Variants in GRIN2A observed in about 807,000 individuals in gnomAD.
GRIN2A encodes glutamate ionotropic receptor NMDA type subunit 2A, also known as glutamate receptor ionotropic, NMDA 2A.
GRIN2A carries 22 observed loss-of-function variants against 113.4 expected under a neutral mutation model. The ratio of observed to expected loss-of-function variants is 0.19; its 90% CI spans 0.14 to 0.28. The LOEUF (loss-of-function observed/expected upper bound fraction) is 0.28, where lower values mean the gene tolerates loss of function less well. Among genes scored for constraint, GRIN2A ranks in the 10% least tolerant of loss-of-function variants. GRIN2A has a pLI of 1.00. For synonymous variants in GRIN2A, 827 were observed against 738.4 expected, an observed-to-expected ratio of 1.12 and a Z score of -1.94; for missense variants, 1,502 against 1,887.0, an observed-to-expected ratio of 0.80 and a Z score of 3.78.
chr16:10,016,722 T>G (rs930815773), intron 2 of GRIN2A, among the ~76,000 whole-genome samples: 1 of 152,202 alleles, frequency 6.6e-6, no homozygotes, highest in African/African-American at 2.4e-5. Flanking sequence ...TTCTCCACAT[T>G]AGGGCAAAGT....
intron 9 of GRIN2A, 127 bp downstream of exon 9, chr16:9,829,294 GAA>G: frequency 1.5e-6 from 1 of 667,722 alleles, no homozygotes; most frequent in Non-Finnish European, 2.7e-6. Context: ...GAGTTAAAGA[GAA>G]AAAACCTTCT....
intron 2 of GRIN2A, among the ~76,000 whole-genome samples, chr16:9,959,493 C>T (rs1007631062): frequency 6.6e-6 from 1 of 152,156 alleles, no homozygotes; most frequent in Non-Finnish European, 1.5e-5. Flanking sequence ...GCAGAGTGAG[C>T]CTGGTTAGTA....
intron 2 of GRIN2A, among the ~76,000 whole-genome samples, chr16:10,096,199 G>A (rs529342853): frequency 3.3e-5 from 5 of 152,210 alleles, no homozygotes; most frequent in Non-Finnish European, 7.4e-5. Flanking sequence ...AGGCTCCTTG[G>A]GTGATTCTAA....
chr16:9,818,195 G>A (rs555678885), intron 10 of GRIN2A, among the ~76,000 whole-genome samples: 28 of 152,128 alleles, frequency 1.8e-4, no homozygotes, highest in Non-Finnish European at 3.1e-4. Context: ...CCGCAGTCTC[G>A]TGGTGGGACG....
intron 11 of GRIN2A, among the ~76,000 whole-genome samples, chr16:9,778,196 C>T (rs967527897): frequency 4.6e-5 from 7 of 152,222 alleles, no homozygotes; most frequent in Admixed American, 3.3e-4. Flanking sequence ...AAACAATACA[C>T]ATGGTCATAA....
At chr16:10,169,998 AC>A (rs1213432866) in intron 2 of GRIN2A, among the ~76,000 whole-genome samples, 1 of 152,202 alleles carries the variant, frequency 6.6e-6, no homozygotes, top group East Asian at 1.9e-4. Flanking sequence ...GTATTTGAGC[AC>A]CATGATCTCA....
rs2046019067 is a variant in GRIN2A at position 9,988,256 on chromosome 16, G to C, written c.415-49705C>G. On this transcript the variant is annotated intron_variant, in intron 2 of 12. Coordinates refer to ENST00000330684, the MANE Select transcript of GRIN2A (RefSeq NM_001134407.3). Reference sequence around the variant, plus strand: ...TGTCTCTCCTGAACACTGAAGGAAAGAGATCCATAGGGGTGTGTGTGTGTG... The same window carrying C: ...TGTCTCTCCTGAACACTGAAGGAAACAGATCCATAGGGGTGTGTGTGTGTG... Among the ~76,000 whole-genome samples, 4 of 143,212 alleles carry C rather than the reference G, an allele frequency of 2.8e-5. No individual in the cohort carries two copies. In the Admixed American group the frequency reaches 2.8e-4, roughly 10 times the overall value. The allele number at this position is 143,212 out of a possible 152,430, so 94.0% of individuals were successfully genotyped here. A position where few individuals can be genotyped will look rare whatever the true frequency, so the allele number is the denominator to read the frequency against.
intron 2 of GRIN2A, among the ~76,000 whole-genome samples, chr16:9,982,026 G>C (rs556949687): frequency 6.6e-6 from 1 of 152,176 alleles, no homozygotes; most frequent in Admixed American, 6.5e-5. Flanking sequence ...GGCCTCAAGT[G>C]ATCTGCCCAC....
At chr16:10,009,417 C>T (rs1005303517) in intron 2 of GRIN2A, among the ~76,000 whole-genome samples, 2 of 152,090 alleles carry the variant, frequency 1.3e-5, no homozygotes, top group Non-Finnish European at 2.9e-5. Context: ...TGAATTTTTT[C>T]AATGCAAAAG....
At chr16:9,793,517 C>G (rs1286744363) in intron 11 of GRIN2A, among the ~76,000 whole-genome samples, 1 of 152,064 alleles carries the variant, frequency 6.6e-6, no homozygotes, top group Non-Finnish European at 1.5e-5. Flanking sequence ...GGTTCTCACT[C>G]AAGTGTTACC....
At chr16:10,075,359 A>G (rs1297570337) in intron 2 of GRIN2A, among the ~76,000 whole-genome samples, 1 of 152,120 alleles carries the variant, frequency 6.6e-6, no homozygotes, top group African/African-American at 2.4e-5. Flanking sequence ...ATAAATTTGT[A>G]TGCCTCTACT....
chr16:9,820,880 C>T (rs1384406921), intron 10 of GRIN2A, among the ~76,000 whole-genome samples: 1 of 152,128 alleles, frequency 6.6e-6, no homozygotes, highest in Non-Finnish European at 1.5e-5. Flanking sequence ...CATTCCAAAC[C>T]AGAATGAGCA....
chr16:9,962,449 A>G (rs181842065), intron 2 of GRIN2A, among the ~76,000 whole-genome samples: 14,591 of 152,000 alleles, frequency 0.096, 776 homozygotes, highest in African/African-American at 0.13. Context: ...AAAAGTGGGC[A>G]AAGGATATGA....
At chr16:10,028,523 T>A (rs1328593368) in intron 2 of GRIN2A, among the ~76,000 whole-genome samples, 1 of 152,194 alleles carries the variant, frequency 6.6e-6, no homozygotes, top group African/African-American at 2.4e-5. Context: ...TCCTTCCTGC[T>A]TCCTGGATTT....
chr16:10,135,629 A>C (rs2142234769), intron 2 of GRIN2A, among the ~76,000 whole-genome samples: 1 of 152,350 alleles, frequency 6.6e-6, no homozygotes, highest in East Asian at 1.9e-4. Context: ...TATATTAAGA[A>C]ATACATGACA....
chr16:9,816,492 T>C (rs1050095810), intron 10 of GRIN2A, among the ~76,000 whole-genome samples: 1 of 152,048 alleles, frequency 6.6e-6, no homozygotes, highest in Non-Finnish European at 1.5e-5. Context: ...TACATGAAAA[T>C]CAATTAAAAG....
chr16:9,991,841 G>A (rs1026007212), intron 2 of GRIN2A, among the ~76,000 whole-genome samples: 3 of 152,146 alleles, frequency 2.0e-5, no homozygotes, highest in Non-Finnish European at 2.9e-5. Flanking sequence ...ATAAGTGGGA[G>A]TTGAACAATG....
intron 3 of GRIN2A, among the ~76,000 whole-genome samples, chr16:9,922,673 C>A (rs2044379666): frequency 1.3e-5 from 2 of 152,182 alleles, no homozygotes; most frequent in African/African-American, 4.8e-5. Context: ...GAGTGAAGAA[C>A]AGTTTCCCAA....
intron 2 of GRIN2A, among the ~76,000 whole-genome samples, chr16:10,125,336 A>C (rs1179179136): frequency 6.6e-6 from 1 of 152,156 alleles, no homozygotes; most frequent in Admixed American, 6.5e-5. Flanking sequence ...GCAGCAAAGA[A>C]TATTTGGCTT....
Sources: allele counts gnomAD v4.1 joint callset (sites outside exome capture counted in the v4.1 genomes callset), GRCh38; gene constraint gnomAD v4.1.1; transcripts MANE v1.5; gene names NCBI Gene and HGNC (gene_info 2026-07-23, HGNC 2026-07-21).